The following GPATCH8 variants were observed in gnomAD, a reference collection of about 807,000 sequenced individuals.
The protein encoded by GPATCH8 is G patch domain-containing protein 8.
In GPATCH8, 18 loss-of-function variants were observed where a neutral mutation model predicts 118.3. That is an observed-to-expected ratio of 0.15 (90% CI 0.11 to 0.23). The LOEUF (loss-of-function observed/expected upper bound fraction) is 0.23. GPATCH8 is among the 10% of genes least tolerant of loss of function. The probability of loss-of-function intolerance (pLI) is 1.00; values close to 1 mark genes in which losing one functional copy is unlikely to be tolerated. For synonymous variants in GPATCH8, 659 were observed against 684.7 expected (o/e 0.96, Z 0.59); for missense variants, 1,631 against 1,873.8 (o/e 0.87, Z 2.39).
Position 44,399,510 on chromosome 17 carries a change from G to A in GPATCH8, c.2567C>T (p.Ser856Phe), listed in dbSNP as rs145134773. The part of the protein sequence containing the change: ...GSEHSRSRSR[S>F]GRRHSSHRSS... The stretch of plus-strand genomic sequence containing the variant: ...ACGATGCGAGGAATGGCGCCGGCCA[G>A]ACCTTGAGCGGCTGCGGGAATGCTC... Residue 856 changes from serine (S) to phenylalanine (F), a missense_variant, in exon 8 of 8, where the codon TCT becomes TTT. Physicochemically the swap from Ser to Phe is radical, Grantham distance 155 (BLOSUM62 -2). Around this residue, in one of 8 missense-constraint regions of GPATCH8, gnomAD observed 922 missense variants for 879.7 expected, o/e 1.05. Transcript: ENST00000591680. The A allele has an allele frequency of 1.2e-5, 20 of 1,614,144 alleles. No homozygotes were observed. The African/African-American group carries it at 2.4e-4, about 19-fold the overall frequency.
intron 1 of GPATCH8, 49 bp downstream of exon 1, chr17:44,503,277 T>TG: frequency 6.5e-7 from 1 of 1,535,996 alleles, no homozygotes; most frequent in Non-Finnish European, 8.9e-7. Flanking sequence ...AAGGAGGTTC[T>TG]GGGCTAGACC....
intron 6 of GPATCH8, among the ~76,000 whole-genome samples, chr17:44,411,535 T>G (rs1361418993): frequency 6.6e-6 from 1 of 152,162 alleles, no homozygotes; most frequent in Non-Finnish European, 1.5e-5. Flanking sequence ...ATTTTTCTCA[T>G]GTAAAGGGGA....
intron 1 of GPATCH8, among the ~76,000 whole-genome samples, chr17:44,485,406 G>A (rs759538395): frequency 2.0e-4 from 30 of 152,026 alleles, no homozygotes; most frequent in Non-Finnish European, 4.1e-4. Context: ...GAGCCACAGC[G>A]CCTGGCCTTT....
At chr17:44,482,573 C>CAAAAA (rs376299230) in intron 1 of GPATCH8, among the ~76,000 whole-genome samples, 2 of 97,078 alleles carry the variant, frequency 2.1e-5, no homozygotes, top group Non-Finnish European at 4.2e-5. Context: ...GACTCCATCT[C>CAAAAA]AAAAAAAAAA....
intron 3 of GPATCH8, among the ~76,000 whole-genome samples, chr17:44,457,812 T>C (rs1032567337): frequency 7.9e-5 from 12 of 152,024 alleles, no homozygotes; most frequent in Non-Finnish European, 1.6e-4. Flanking sequence ...CCGGGCGCAG[T>C]GGCTCATGCC....
chr17:44,473,141 T>TG (rs1348209922), intron 2 of GPATCH8: 1 of 152,074 alleles, frequency 6.6e-6, no homozygotes, highest in African/African-American at 2.4e-5. Flanking sequence ...AGTGATTTTT[T>TG]TTTTTTTTTT....
At chr17:44,462,904 C>A (rs1179503597) in intron 3 of GPATCH8, among the ~76,000 whole-genome samples, 1 of 151,958 alleles carries the variant, frequency 6.6e-6, no homozygotes, top group African/African-American at 2.4e-5. Context: ...TGGCGTGAAC[C>A]CGGGAGGTGG....
At chr17:44,436,029 CAAA>C (rs1157048818) in intron 4 of GPATCH8, among the ~76,000 whole-genome samples, 5 of 41,826 alleles carry the variant, frequency 1.2e-4, no homozygotes, top group African/African-American at 3.5e-4. Context: ...AACTCCATCT[CAAA>C]AAAAAAAAAA....
intron 3 of GPATCH8, among the ~76,000 whole-genome samples, chr17:44,463,838 G>A (rs2051656765): frequency 6.6e-6 from 1 of 152,152 alleles, no homozygotes; most frequent in Non-Finnish European, 1.5e-5. Flanking sequence ...TAATACAAAT[G>A]ACTGGTATAA....
chr17:44,427,396 T>C (rs940179741), intron 5 of GPATCH8, among the ~76,000 whole-genome samples: 2 of 151,888 alleles, frequency 1.3e-5, no homozygotes, highest in African/African-American at 4.8e-5. Flanking sequence ...GTTAATAGGG[T>C]ACAAAATTCA....
intron 5 of GPATCH8, 144 bp downstream of exon 5, chr17:44,434,921 A>G: frequency 1.5e-6 from 1 of 687,482 alleles, no homozygotes; most frequent in Admixed American, 2.1e-5. Flanking sequence ...TAGGAATGTA[A>G]TAGAAATCTG....
At chr17:44,448,767 C>T (rs62081228) in intron 3 of GPATCH8, among the ~76,000 whole-genome samples, 7,317 of 149,114 alleles carry the variant, frequency 0.049, 221 homozygotes, top group Middle Eastern at 0.066. Flanking sequence ...TAGGCTAAGG[C>T]TAAGACTATA....
chr17:44,416,256 C>A (rs1157702454), intron 6 of GPATCH8, among the ~76,000 whole-genome samples: 2 of 152,216 alleles, frequency 1.3e-5, no homozygotes. Flanking sequence ...CGTGATCCAT[C>A]CACCTCGGCC....
chr17:44,406,336 A>G (rs983150294), intron 6 of GPATCH8, among the ~76,000 whole-genome samples: 5 of 152,098 alleles, frequency 3.3e-5, no homozygotes, highest in African/African-American at 1.2e-4. Flanking sequence ...GGGAGGAAAG[A>G]AAGGGACTAT....
chr17:44,430,882 C>T (rs1479263079), intron 5 of GPATCH8, among the ~76,000 whole-genome samples: 2 of 150,776 alleles, frequency 1.3e-5, no homozygotes, highest in African/African-American at 4.9e-5. Flanking sequence ...AACTCCTGAC[C>T]TCAAGTGACC....
At chr17:44,459,884 C>A (rs1466267490) in intron 3 of GPATCH8, among the ~76,000 whole-genome samples, 2 of 152,156 alleles carry the variant, frequency 1.3e-5, no homozygotes, top group Non-Finnish European at 2.9e-5. Context: ...TAAATGTACT[C>A]ATCGAACCTT....
At chr17:44,458,553 G>C (rs551079341) in intron 3 of GPATCH8, among the ~76,000 whole-genome samples, 1 of 152,166 alleles carries the variant, frequency 6.6e-6, no homozygotes, top group Admixed American at 6.5e-5. Context: ...AGACAGGCTT[G>C]CTCTGTTGCC....
At chr17:44,438,973 T>TA (rs1211801204) in intron 3 of GPATCH8, among the ~76,000 whole-genome samples, 6 of 152,180 alleles carry the variant, frequency 3.9e-5, no homozygotes, top group Admixed American at 3.9e-4. Flanking sequence ...GGTGTCAGTT[T>TA]AAAGTAAGAG....
chr17:44,435,715 C>T lies in GPATCH8; in HGVS notation c.262-564G>A, dbSNP rs545333636. On this transcript the variant is annotated intron_variant, in intron 4 of 7. Transcript: ENST00000591680. Reference sequence around the variant, plus strand: ...TACAGGCGTGAGCCACTGCGCCCAGCGACTCCTAATTCTTTGAAAATTGAG... The same window carrying T: ...TACAGGCGTGAGCCACTGCGCCCAGTGACTCCTAATTCTTTGAAAATTGAG... 2.9e-4 allele frequency among the ~76,000 whole-genome samples: 42 copies of T among 144,860 alleles called. No homozygotes were observed. The South Asian group carries it at 3.1e-3, about 11-fold the overall frequency.
Sources: allele counts gnomAD v4.1 joint callset (sites outside exome capture counted in the v4.1 genomes callset), GRCh38; gene constraint gnomAD v4.1.1; regional missense constraint gnomAD v4.1.1; transcripts MANE v1.5; gene names NCBI Gene and HGNC (gene_info 2026-07-23, HGNC 2026-07-21).